CRADD: variants seen among roughly 807,000 people sequenced by gnomAD.
The protein encoded by CRADD is death domain-containing protein CRADD.
CRADD carries 9 observed loss-of-function variants against 15.5 expected under a neutral mutation model. The observed-to-expected ratio is 0.58, with a 90% CI of 0.35 to 1.01. CRADD has a LOEUF of 1.01. Ranked by LOEUF, CRADD falls within the 50% of genes least tolerant of loss-of-function variation. CRADD has a pLI of 0.02. For missense variants in CRADD, 227 were observed against 250.3 expected (o/e 0.91, Z 0.63); for synonymous variants, 118 against 107.6 (o/e 1.10, Z -0.60).
At chr12:93,852,022 A>T (rs1958228479), downstream of CRADD, among the ~76,000 whole-genome samples, 1 of 152,230 alleles carries the variant, frequency 6.6e-6, no homozygotes, top group South Asian at 2.1e-4. Context: ...TACTGGCCTT[A>T]TCAGTTCAAA....
intron 2 of CRADD, among the ~76,000 whole-genome samples, chr12:93,742,136 G>C (rs535146536): frequency 6.6e-6 from 1 of 152,286 alleles, no homozygotes; most frequent in Non-Finnish European, 1.5e-5. Flanking sequence ...AGCCCAAAAT[G>C]AAGTTCCCGA....
At chr12:93,890,323 C>T (rs1361632318) in intron 2 of CRADD, among the ~76,000 whole-genome samples, 2 of 152,142 alleles carry the variant, frequency 1.3e-5, no homozygotes, top group African/African-American at 4.8e-5. Context: ...ATTCTCAGTA[C>T]ATGGGAATTA....
intron 2 of CRADD, among the ~76,000 whole-genome samples, chr12:93,726,807 G>A (rs535045442): frequency 6.6e-6 from 1 of 152,208 alleles, no homozygotes; most frequent in South Asian, 2.1e-4. Flanking sequence ...ATACAAGATG[G>A]TGTACTACAG....
chr12:93,874,641 T>C lies in CRADD; in HGVS notation c.299-19409T>C, dbSNP rs1010596737. ...TTTTGGTACCATTTCTTTCAAGAAATTTTTTTAACTTCCTTTTTAATTTCT... is the reference window on the plus strand; with the variant it reads ...TTTTGGTACCATTTCTTTCAAGAAACTTTTTTAACTTCCTTTTTAATTTCT... On this transcript the variant is annotated intron_variant, in intron 2 of 2. Transcript: ENST00000548483. Among the ~76,000 whole-genome samples, 7 of 151,940 alleles carry C rather than the reference T, an allele frequency of 4.6e-5. 1 individual carries two copies. Among genetic ancestry groups the C allele is most frequent in the Admixed American group, 3.3e-4 (5 of 15,246 alleles).
chr12:93,808,462 C>T (rs530686897), intron 2 of CRADD, among the ~76,000 whole-genome samples: 4 of 152,188 alleles, frequency 2.6e-5, no homozygotes, highest in East Asian at 3.9e-4. Context: ...TGATCTCCAC[C>T]GTGGGGATTA....
At chr12:93,796,378 G>A (rs1323141059) in intron 2 of CRADD, among the ~76,000 whole-genome samples, 6 of 152,098 alleles carry the variant, frequency 3.9e-5, no homozygotes, top group African/African-American at 1.4e-4. Context: ...GCCAAGGCAG[G>A]TGGATCACTT....
chr12:93,758,900 C>A (rs540045531), intron 2 of CRADD, among the ~76,000 whole-genome samples: 26 of 152,216 alleles, frequency 1.7e-4, no homozygotes, highest in Admixed American at 9.8e-4. Context: ...CTGTTCAGAG[C>A]TAAATCTTAT....
intron 2 of CRADD, chr12:93,738,570 G>A (rs527480755): frequency 7.3e-5 from 49 of 675,548 alleles, no homozygotes; most frequent in African/African-American, 6.7e-4. Flanking sequence ...GCCTCACCCC[G>A]CTCCCACCGC....
At chr12:93,893,306 T>G (rs1266023609) in intron 2 of CRADD, among the ~76,000 whole-genome samples, 5 of 152,140 alleles carry the variant, frequency 3.3e-5, no homozygotes, top group Non-Finnish European at 5.9e-5. Context: ...AAGAAAAGGA[T>G]GCTAATTTTG....
intron 2 of CRADD, among the ~76,000 whole-genome samples, chr12:93,821,395 C>A (rs970989579): frequency 3.9e-5 from 6 of 152,196 alleles, no homozygotes; most frequent in Non-Finnish European, 8.8e-5. Context: ...GCTGGCACAT[C>A]GGTCTCTAGG....
At chr12:93,683,863 C>T (rs991935255) in intron 2 of CRADD, among the ~76,000 whole-genome samples, 2 of 152,224 alleles carry the variant, frequency 1.3e-5, no homozygotes, top group African/African-American at 4.8e-5. Flanking sequence ...CGTAATTGAC[C>T]TTGCTCTGCA....
chr12:93,727,081 A>G (rs899173878), intron 2 of CRADD, among the ~76,000 whole-genome samples: 1 of 152,204 alleles, frequency 6.6e-6, no homozygotes, highest in Non-Finnish European at 1.5e-5. Context: ...TATGATGCTC[A>G]GGTGGGAAAA....
chr12:93,777,936 T>C lies in CRADD; in HGVS notation c.299-72034T>C, dbSNP rs75919811. ...CATGACCTCCGAATCTTCTTAGTTA[T>C]TTTCAGGTACAAGGTTTTCAGCTTC... is the stretch of plus-strand genomic sequence containing the variant. On this transcript the variant is annotated intron_variant, in intron 2 of 2. Coordinates refer to ENST00000332896, the MANE Select transcript of CRADD (RefSeq NM_003805.5). Among the ~76,000 whole-genome samples the C allele has an allele frequency of 1.1e-3, 172 of 152,302 alleles. 3 individuals carry two copies. The East Asian group carries it at 0.023, about 20-fold the overall frequency.
chr12:93,730,317 A>C (rs1956442243), intron 2 of CRADD, among the ~76,000 whole-genome samples: 2 of 152,276 alleles, frequency 1.3e-5, no homozygotes, highest in African/African-American at 2.4e-5. Context: ...TTGTATAAAA[A>C]GAAAATTCAG....
In CRADD at chr12:93,850,466, TCAA is replaced by T; in HGVS notation, c.*199_*201del. 2 of 1,326,976 alleles carry T rather than the reference TCAA, an allele frequency of 1.5e-6. No homozygotes were observed. The highest frequency in any genetic ancestry group is 1.9e-6 in the Non-Finnish European group (2 of 1,045,268). The allele number at this position is 1,326,976 out of a possible 1,614,324, so 82.2% of individuals were successfully genotyped here. A position where few individuals can be genotyped will look rare whatever the true frequency, so the allele number is the denominator to read the frequency against. ...TACTCAGCAGATCTCCCATGTTGGC[TCAA>T]CAATTCTTTGTTTTTAATTGCTTGA... On this transcript the variant is annotated 3_prime_UTR_variant, in exon 3 of 3. Coordinates refer to ENST00000332896, the MANE Select transcript of CRADD (RefSeq NM_003805.5). The surrounding 1 kb of genome is among the most constrained non-coding windows in gnomAD (Gnocchi z 4.0).
At chr12:93,886,208 A>G (rs917966428) in intron 2 of CRADD, among the ~76,000 whole-genome samples, 3 of 125,046 alleles carry the variant, frequency 2.4e-5, no homozygotes, top group African/African-American at 9.4e-5. Flanking sequence ...TCTGTCACCC[A>G]GGCTGGAGCG....
chr12:93,688,565 A>G (rs1431549111), intron 2 of CRADD, among the ~76,000 whole-genome samples: 7 of 152,070 alleles, frequency 4.6e-5, no homozygotes, highest in Admixed American at 4.6e-4. Flanking sequence ...CAGTAAAATA[A>G]TCATAATAGC....
chr12:93,811,576 T>C (rs1957627052), intron 2 of CRADD, among the ~76,000 whole-genome samples: 1 of 152,248 alleles, frequency 6.6e-6, no homozygotes. Flanking sequence ...GTCCTCACTC[T>C]GCTTTGAGAC....
chr12:93,742,133 A>G (rs994852979), intron 2 of CRADD, among the ~76,000 whole-genome samples: 26 of 152,172 alleles, frequency 1.7e-4, no homozygotes, highest in African/African-American at 6.0e-4. Context: ...GTTAGCCCAA[A>G]ATGAAGTTCC....
Sources: allele counts gnomAD v4.1 joint callset (sites outside exome capture counted in the v4.1 genomes callset), GRCh38; gene constraint gnomAD v4.1.1; non-coding constraint Gnocchi (gnomAD v3.1); transcripts MANE v1.5; gene names NCBI Gene and HGNC (gene_info 2026-07-23, HGNC 2026-07-21).